The following LRRC37A2 variants were observed in gnomAD, a reference collection of about 807,000 sequenced individuals.
The protein encoded by LRRC37A2 is leucine-rich repeat-containing protein 37A2.
LRRC37A2 carries 9 observed loss-of-function variants against 68.8 expected under a neutral mutation model. The ratio of observed to expected loss-of-function variants is 0.13; its 90% CI spans 0.08 to 0.23. LRRC37A2 has a LOEUF of 0.23. Ranked by LOEUF, LRRC37A2 falls within the 10% of genes least tolerant of loss-of-function variation. The pLI, the probability that LRRC37A2 is intolerant of heterozygous loss-of-function variation, is 1.00. For synonymous variants in LRRC37A2, 63 were observed against 367.6 expected (o/e 0.17, Z 9.48); for missense variants, 168 against 950.4 (o/e 0.18, Z 10.82).
At chr17:46,848,881 G>T in the LRRC37A2 span, among the ~76,000 whole-genome samples, 12 of 152,182 alleles carry the variant, frequency 7.9e-5, no homozygotes, top group Non-Finnish European at 1.8e-4. Context: ...CTCCCAGAGG[G>T]CTTGAGGCTT....
chr17:46,939,700 TG>T, the LRRC37A2 span: 1 of 985,714 alleles, frequency 1.0e-6, no homozygotes, highest in Non-Finnish European at 1.2e-6. Context: ...CCAGCCAGTG[TG>T]GGCAGATCCC....
the LRRC37A2 span, among the ~76,000 whole-genome samples, chr17:46,495,532 C>G: frequency 1.4e-5 from 2 of 146,802 alleles, no homozygotes; most frequent in African/African-American, 5.3e-5. Flanking sequence ...TTACAGGCAC[C>G]CACCACCACG....
At chr17:46,743,410 G>A in the LRRC37A2 span, among the ~76,000 whole-genome samples, 1 of 152,114 alleles carries the variant, frequency 6.6e-6, no homozygotes, top group South Asian at 2.1e-4. Context: ...CAGAGACCCC[G>A]CCTCAGGAAT....
At chr17:46,774,272 G>T in the LRRC37A2 span, among the ~76,000 whole-genome samples, 1 of 152,254 alleles carries the variant, frequency 6.6e-6, no homozygotes. Flanking sequence ...GATGGGCATT[G>T]AAGAGATCAG....
At chr17:46,788,587 C>A in the LRRC37A2 span, among the ~76,000 whole-genome samples, 1 of 152,228 alleles carries the variant, frequency 6.6e-6, no homozygotes, top group South Asian at 2.1e-4. Context: ...TGGCCATTTC[C>A]CCAGCTCTTA....
the LRRC37A2 span, among the ~76,000 whole-genome samples, chr17:46,760,512 A>C: frequency 6.6e-6 from 1 of 150,710 alleles, no homozygotes; most frequent in South Asian, 2.1e-4. Flanking sequence ...ACACATGCCT[A>C]TGGTCCCAGC....
chr17:47,000,017 A>G, the LRRC37A2 span, among the ~76,000 whole-genome samples: 1 of 18,546 alleles, frequency 5.4e-5, no homozygotes. Context: ...ATAAAATAAA[A>G]TAAAATAAAA....
At chr17:46,770,019 T>C in the LRRC37A2 span, 1 of 1,579,308 alleles carries the variant, frequency 6.3e-7, no homozygotes, top group African/African-American at 1.3e-5. Flanking sequence ...GCCGAGGCGA[T>C]GGCGTGAACG....
chr17:46,868,695 A>G, the LRRC37A2 span, among the ~76,000 whole-genome samples: 1 of 152,262 alleles, frequency 6.6e-6, no homozygotes, highest in African/African-American at 2.4e-5. Context: ...CCAGTTGTCC[A>G]TCTTACCCCC....
At chr17:46,515,918 C>CA (rs566122715) in intron 2 of LRRC37A2, among the ~76,000 whole-genome samples, 214 of 97,366 alleles carry the variant, frequency 2.2e-3, no homozygotes, top group African/African-American at 9.3e-3. Context: ...GTCCAGAACT[C>CA]ATTTTTGTCC....
chr17:46,779,566 A>G, the LRRC37A2 span, among the ~76,000 whole-genome samples: 127,924 of 152,196 alleles, frequency 0.84, 54,074 homozygotes, highest in East Asian at 1. Context: ...CCTGCACAAC[A>G]GGCTGCTTGT....
At chr17:46,777,822 A>C in the LRRC37A2 span, among the ~76,000 whole-genome samples, 3 of 152,234 alleles carry the variant, frequency 2.0e-5, no homozygotes, top group Non-Finnish European at 4.4e-5. Flanking sequence ...TCTGACTCCC[A>C]GTGTGATGTC....
the LRRC37A2 span, among the ~76,000 whole-genome samples, chr17:46,710,222 A>G: frequency 1.3e-5 from 2 of 152,206 alleles, no homozygotes; most frequent in African/African-American, 4.8e-5. Context: ...TGTTAACCTC[A>G]TGAAAATCCA....
chr17:46,755,657 A>T, the LRRC37A2 span: 1 of 855,908 alleles, frequency 1.2e-6, no homozygotes, highest in Non-Finnish European at 1.8e-6. Flanking sequence ...TTCTTTTGTG[A>T]AGTGCTCATC....
chr17:46,942,366 G>A, the LRRC37A2 span, among the ~76,000 whole-genome samples: 1 of 152,286 alleles, frequency 6.6e-6, no homozygotes, highest in Admixed American at 6.5e-5. Flanking sequence ...TCTCACTTAT[G>A]TTCTCCATCA....
rs1555641433 is a variant in LRRC37A2, at chr17:46,525,587, A to AAAG, written c.2906+1705_2906+1706insGAA. ...GAGGGACAGAGTGAGACTCTGTCTC[A>AAAG]AATAATAATAATAATATAATAATAA... On this transcript the variant is annotated intron_variant, in intron 6 of 14. Transcript: ENST00000576629. 2.2e-3 allele frequency among the ~76,000 whole-genome samples: 147 copies of AAAG among 66,714 alleles called. 8 individuals are homozygous for AAAG. The highest frequency in any genetic ancestry group is 7.5e-3 in the African/African-American group (138 of 18,368). The allele number at this position is 66,714 out of a possible 152,430, so 43.8% of individuals were successfully genotyped here.
At chr17:46,955,092 C>A in the LRRC37A2 span, among the ~76,000 whole-genome samples, 1 of 152,124 alleles carries the variant, frequency 6.6e-6, no homozygotes, top group East Asian at 1.9e-4. Context: ...CTGTCTTGTG[C>A]CAGTTTTCAA....
the LRRC37A2 span, among the ~76,000 whole-genome samples, chr17:46,893,695 G>A: frequency 6.6e-6 from 1 of 152,110 alleles, no homozygotes; most frequent in Non-Finnish European, 1.5e-5. Flanking sequence ...TCCAAGCTGA[G>A]GTTGGAATCC....
the LRRC37A2 span, chr17:46,876,166 TG>T: frequency 1.5e-6 from 2 of 1,344,166 alleles, no homozygotes; most frequent in Non-Finnish European, 2.0e-6. Context: ...TCTGCCCTGC[TG>T]GGGTTGGTGC....
Sources: gnomAD v4.1 joint callset for allele counts (sites outside exome capture counted in the v4.1 genomes callset) on GRCh38, gnomAD v4.1.1 for gene constraint, MANE v1.5 for transcripts, NCBI Gene and HGNC (gene_info 2026-07-23, HGNC 2026-07-21) for gene names.